Variants in SF3B2 observed in about 807,000 individuals in gnomAD.
The protein encoded by SF3B2 is SAP 145.
A neutral mutation model predicts 116.3 loss-of-function variants in SF3B2; 22 were observed. The ratio of observed to expected loss-of-function variants is 0.19; its 90% CI spans 0.14 to 0.27. The LOEUF (loss-of-function observed/expected upper bound fraction) is 0.27, where lower values mean the gene tolerates loss of function less well. Ranked by LOEUF, SF3B2 falls within the 10% of genes least tolerant of loss-of-function variation. The pLI is 1.00. For missense variants in SF3B2, 767 were observed against 1,151.4 expected (o/e 0.67, Z 4.83); for synonymous variants, 406 against 421.6 (o/e 0.96, Z 0.45).
rs1412544266 is a variant in SF3B2, at chr11:66,063,747, G to A, written c.2330+18G>A. 2 of 1,568,530 alleles carry A rather than the reference G, an allele frequency of 1.3e-6. No homozygotes were observed. The highest frequency in any genetic ancestry group is 2.7e-5 in the African/African-American group (2 of 73,316). On this transcript the variant is annotated intron_variant, in intron 19 of 21. Transcript: ENST00000322535. ...ATGGACGGGTAAGGGTACCAGACAG[G>A]GCTGAGAGGGGAGGACCTTCACTTC...
At position 66,058,085 on chromosome 11, in the gene SF3B2, C is replaced by T; in HGVS notation, c.809C>T (p.Pro270Leu). ...GACCCCTCTGTGGGCCCCAAGATCC[C>T]CCAGGCTTTGGAGAAGATCCTGCAG... is the stretch of plus-strand genomic sequence containing the variant. ...MDDPSVGPKI[P>L]QALEKILQLK... Residue 270 changes from proline to leucine, a missense_variant, in exon 8 of 22, where the codon CCC becomes CTC. Pro to Leu is a moderately conservative substitution (Grantham distance 98). This residue lies in a region of SF3B2 where 455 missense variants were observed against 537.5 expected (regional missense o/e 0.85). Coordinates refer to ENST00000322535, the MANE Select transcript of SF3B2 (RefSeq NM_006842.3). 6.2e-7 allele frequency: 1 copy of T among 1,610,908 alleles called. No homozygotes were observed. The highest frequency in any genetic ancestry group is 2.2e-5 in the East Asian group (1 of 44,722).
At chr11:66,052,892 C>G in intron 2 of SF3B2, 135 bp from the exon 3 acceptor site, 1 of 1,215,340 alleles carries the variant, frequency 8.2e-7, no homozygotes. Flanking sequence ...TTGTATCCAT[C>G]TTGGTCCTCT....
intron 16 of SF3B2, among the ~76,000 whole-genome samples, 198 bp downstream of exon 16, chr11:66,062,196 T>C (rs1012581184): frequency 6.6e-6 from 1 of 152,220 alleles, no homozygotes; most frequent in Non-Finnish European, 1.5e-5. Flanking sequence ...GAAACTGACA[T>C]GCTCATCATA....
At chr11:66,052,833 C>A (rs1856909887) in intron 2 of SF3B2, 114 bp downstream of exon 2, 1 of 1,356,824 alleles carries the variant, frequency 7.4e-7, no homozygotes. Flanking sequence ...AAGGCGGAGG[C>A]TTGCCCTTTT....
intron 19 of SF3B2, chr11:66,065,669 CTCTT>C (rs886502163): frequency 6.6e-6 from 1 of 152,006 alleles, no homozygotes; most frequent in Admixed American, 6.5e-5. Flanking sequence ...AAATTCTTCT[CTCTT>C]TGTATTTCAC....
Position 66,069,002 on chromosome 11 carries a change from G to A in SF3B2, c.*257G>A. On this transcript the variant is annotated 3_prime_UTR_variant, in exon 22 of 22. Coordinates refer to ENST00000322535, the MANE Select transcript of SF3B2 (RefSeq NM_006842.3). ...ATCACTGGGCTGCCCCAGTAACCAC[G>A]AACATAAACTGGGATTAGACGGCGC... 4.2e-6 allele frequency: 2 copies of A among 472,008 alleles called. No homozygotes were observed. The highest frequency in any genetic ancestry group is 7.8e-6 in the Non-Finnish European group (2 of 256,198). The allele number at this position is 472,008 out of a possible 1,614,324, so 29.2% of individuals were successfully genotyped here.
intron 19 of SF3B2, 125 bp from the exon 20 acceptor site, chr11:66,067,821 C>A: frequency 1.4e-6 from 1 of 723,018 alleles, no homozygotes; most frequent in Non-Finnish European, 2.4e-6. Flanking sequence ...GCAGAGGCTG[C>A]ATCCTTGGGG....
chr11:66,054,946 C>G, intron 3 of SF3B2, 130 bp from the exon 4 acceptor site: 5 of 859,350 alleles, frequency 5.8e-6, no homozygotes, highest in East Asian at 2.7e-5. Flanking sequence ...GGAGCATTCT[C>G]TCTTATGGAG....
chr11:66,067,383 G>T (rs1313044298), intron 19 of SF3B2: 1 of 456,212 alleles, frequency 2.2e-6, no homozygotes, highest in South Asian at 1.5e-5. Context: ...ATTTTCTCTG[G>T]CTCCTGTGTG....
chr11:66,064,219 C>T (rs1168915138), intron 19 of SF3B2, among the ~76,000 whole-genome samples: 2 of 152,198 alleles, frequency 1.3e-5, no homozygotes, highest in Non-Finnish European at 2.9e-5. Flanking sequence ...CCATTCTGCT[C>T]TTTGTTCCCT....
chr11:66,055,040 A>G (rs1222135378), intron 3 of SF3B2, 36 bp from the exon 4 acceptor site: 4 of 1,496,566 alleles, frequency 2.7e-6, no homozygotes, highest in Admixed American at 4.7e-5. Context: ...GAGTAGATAA[A>G]TGCTTCCTAG....
At position 66,069,073 on chromosome 11, in the gene SF3B2, A is replaced by C; in HGVS notation, c.*328A>C. On this transcript the variant is annotated 3_prime_UTR_variant, in exon 22 of 22. Coordinates refer to ENST00000322535, the MANE Select transcript of SF3B2 (RefSeq NM_006842.3). The stretch of plus-strand genomic sequence containing the variant: ...AACCCCAGGCTGAAATCTGTGTTTC[A>C]CCACTGCCCTGCTTTGTAGGAAGGC... 2.6e-6 allele frequency: 1 copy of C among 385,516 alleles called. No homozygotes were observed. Among genetic ancestry groups the C allele is most frequent in the Non-Finnish European group, 5.0e-6 (1 of 200,800 alleles). 23.9% of individuals were successfully genotyped at this position (385,516 alleles called of 1,614,324 possible).
intron 15 of SF3B2, 42 bp from the exon 16 acceptor site, chr11:66,061,849 A>G (rs1857104859): frequency 1.2e-6 from 2 of 1,606,648 alleles, no homozygotes; most frequent in Non-Finnish European, 8.5e-7. Flanking sequence ...AGAGACAGGG[A>G]TAGGGTTTGG....
chr11:66,057,180 A>T (rs1857012840), intron 6 of SF3B2, 86 bp from the exon 7 acceptor site: 1 of 963,620 alleles, frequency 1.0e-6, no homozygotes, highest in African/African-American at 1.6e-5. Context: ...CTGCAGGTTT[A>T]CCATCACCCT....
intron 19 of SF3B2, 47 bp from the exon 20 acceptor site, chr11:66,067,899 C>T: frequency 6.6e-7 from 1 of 1,508,618 alleles, no homozygotes; most frequent in Non-Finnish European, 9.1e-7. Flanking sequence ...CTTCTGGAGA[C>T]CCTTTTGTCC....
At chr11:66,054,662 C>T (rs901770865) in intron 3 of SF3B2, among the ~76,000 whole-genome samples, 1 of 152,056 alleles carries the variant, frequency 6.6e-6, no homozygotes, top group African/African-American at 2.4e-5. Context: ...TTTGCATTGC[C>T]CAGATACAGT....
chr11:66,053,246 A>C (rs1416600189), intron 3 of SF3B2, 142 bp downstream of exon 3: 16 of 802,674 alleles, frequency 2.0e-5, no homozygotes, highest in Non-Finnish European at 2.1e-6. Flanking sequence ...GGAAAAAAAA[A>C]GATTCCATAT....
chr11:66,053,434 T>G (rs1210814650), intron 3 of SF3B2: 2 of 335,892 alleles, frequency 6.0e-6, no homozygotes, highest in Non-Finnish European at 1.1e-5. Flanking sequence ...ATCCCACCAC[T>G]TCGGGATGCT....
rs1233551731 is a variant in SF3B2 at position 66,059,409 on chromosome 11, A to G, written c.1320+71A>G. 1 of 1,609,476 alleles carries G rather than the reference A, an allele frequency of 6.2e-7. No homozygotes were observed. The highest frequency in any genetic ancestry group is 8.5e-7 in the Non-Finnish European group (1 of 1,176,386). On this transcript the variant is annotated intron_variant, in intron 11 of 21. Transcript: ENST00000322535. This position sits in a 1 kb window ranked among gnomAD's most constrained non-coding sequence, Gnocchi z 5.0. ...GTGGCTGAGATGCATCCAGAGAGGG[A>G]CCATGGTGAACTCTTACAGAGCTTT...
Sources: allele counts gnomAD v4.1 joint callset (sites outside exome capture counted in the v4.1 genomes callset), GRCh38; gene constraint gnomAD v4.1.1; regional missense constraint gnomAD v4.1.1; non-coding constraint Gnocchi (gnomAD v3.1); transcripts MANE v1.5; gene names NCBI Gene and HGNC (gene_info 2026-07-23, HGNC 2026-07-21).